UCP2: variants seen among roughly 807,000 people sequenced by gnomAD.
UCP2 encodes dicarboxylate carrier SLC25A8.
In UCP2, 27 loss-of-function variants were observed where a neutral mutation model predicts 31.3. The observed-to-expected ratio is 0.86, with a 90% CI of 0.64 to 1.19. The LOEUF (loss-of-function observed/expected upper bound fraction) is 1.19, where lower values mean the gene tolerates loss of function less well. Ranked by LOEUF, UCP2 falls within the 50% of genes most tolerant of loss-of-function variation. The pLI, the probability that UCP2 is intolerant of heterozygous loss-of-function variation, is 0.00. For synonymous variants in UCP2, 142 were observed against 157.4 expected (o/e 0.90, Z 0.73); for missense variants, 377 against 413.5 (o/e 0.91, Z 0.76).
chr11:73,980,297 G>A (rs1039316247), intron 2 of UCP2, among the ~76,000 whole-genome samples: 4 of 152,194 alleles, frequency 2.6e-5, no homozygotes, highest in Admixed American at 2.6e-4. Context: ...TGAACACAGA[G>A]ACCCATGGAA....
chr11:73,975,520 C>T lies in UCP2; in HGVS notation c.786G>A (p.Gln262=). 6.2e-7 allele frequency: 1 copy of T among 1,612,176 alleles called. No individual in the cohort carries two copies. Among genetic ancestry groups the T allele is most frequent in the South Asian group, 1.1e-5 (1 of 91,010 alleles). The change falls in exon 7 of 8, where the codon CAG becomes CAA. Residue 262 remains glutamine, a synonymous_variant. Transcript: ENST00000663595. ...SAGHCALTML[Q]KEGPRAFYKG... is the part of the protein sequence containing the mutation. ...TGTAGAAGGCTCGGGGCCCCTCCTT[C>T]TGGAGCATGGTAAGGGCACAGTGGC...
chr11:73,978,262 G>T lies in UCP2; in HGVS notation c.117C>A (p.Val39=). The T allele has an allele frequency of 6.2e-7, 1 of 1,614,142 alleles. No individual in the cohort carries two copies. The highest frequency in any genetic ancestry group is 8.5e-7 in the Non-Finnish European group (1 of 1,180,020). Residue 39 remains valine (V), a synonymous_variant, in exon 3 of 8, where the codon GTC becomes GTA. Transcript: ENST00000663595. ...GGCTTCATCCCCTCACCTGTAACCG[G>T]ACTTTAGCAGTATCCAGAGGAAAGG... is the stretch of plus-strand genomic sequence containing the variant. ...LITFPLDTAK[V]RLQIQGESQG... is the part of the protein sequence containing the mutation.
At chr11:73,977,841 T>G in intron 4 of UCP2, 45 bp downstream of exon 4, 2 of 1,612,178 alleles carry the variant, frequency 1.2e-6, no homozygotes, top group Admixed American at 1.7e-5. Context: ...CAATCATCAC[T>G]GAGAAAAAAG....
chr11:73,982,847 G>C (rs1951485173), upstream of UCP2: 1 of 152,392 alleles, frequency 6.6e-6, no homozygotes, highest in South Asian at 2.0e-4. Context: ...TCGCAGTGGG[G>C]CTCCGCGCAG....
In UCP2 at chr11:73,978,065, G is replaced by A; in HGVS notation, c.158C>T (p.Ala53Val). The A allele has an allele frequency of 1.2e-6, 2 of 1,614,154 alleles. No homozygotes were observed. The highest frequency in any genetic ancestry group is 1.3e-5 in the African/African-American group (1 of 75,048). Reference sequence around the variant, plus strand: ...ACCGCGGTACTGGGCGCTGGCTGTAGCGCGCACTGGCCCCTGACTTTCTCC... The same window carrying A: ...ACCGCGGTACTGGGCGCTGGCTGTAACGCGCACTGGCCCCTGACTTTCTCC... ...IQGESQGPVR[A>V]TASAQYRGVM... The change falls in exon 4 of 8, where the codon GCT (alanine) becomes GTT (valine). Residue 53 changes from alanine (A) to valine (V), a missense_variant. Coordinates refer to ENST00000663595, the MANE Select transcript of UCP2 (RefSeq NM_003355.3).
intron 1 of UCP2, 49 bp downstream of exon 1, chr11:73,982,672 A>T (rs928938634): frequency 6.6e-6 from 1 of 152,498 alleles, no homozygotes; most frequent in African/African-American, 2.4e-5. Flanking sequence ...CAGCGCACGC[A>T]GAACAAGCGT....
chr11:73,975,121 C>T lies in UCP2; in HGVS notation c.816G>A (p.Gly272=). 2 of 1,610,534 alleles carry T rather than the reference C, an allele frequency of 1.2e-6. No homozygotes were observed. Among genetic ancestry groups the T allele is most frequent in the Non-Finnish European group, 1.7e-6 (2 of 1,178,246 alleles). ...CCAAGCGGAGAAAGGAGGGCATGAA[C>T]CTAGAGGAGAAAAATCACAGGTCAT... ...QKEGPRAFYK[G]FMPSFLRLGS... The change falls in exon 8 of 8, where the codon GGG becomes GGA. Residue 272 remains glycine (G), a splice_region_variant and synonymous_variant. Coordinates refer to ENST00000663595, the MANE Select transcript of UCP2 (RefSeq NM_003355.3).
chr11:73,975,770 G>A (rs1385924941), intron 6 of UCP2, 99 bp from the exon 7 acceptor site: 2 of 1,441,974 alleles, frequency 1.4e-6, no homozygotes, highest in Non-Finnish European at 1.9e-6. Context: ...TGATTTTAAA[G>A]AGACAGAGAG....
rs751673239 is a variant in UCP2 at position 73,976,910 on chromosome 11, G to A, written c.445C>T (p.Arg149Trp). 39 of 1,613,878 alleles carry A rather than the reference G, an allele frequency of 2.4e-5. No individual in the cohort carries two copies. The highest frequency in any genetic ancestry group is 2.7e-5 in the African/African-American group (2 of 74,926). ...VVKVRFQAQA[R>W]AGGGRRYQST... ...TGGTATCTCCGACCACCTCCAGCCC[G>A]GGCCTGAGCTTGGAATCGGACCTTT... is the stretch of plus-strand genomic sequence containing the variant. Residue 149 changes from arginine to tryptophan, a missense_variant, in exon 5 of 8, where the codon CGG becomes TGG. Coordinates refer to ENST00000663595, the MANE Select transcript of UCP2 (RefSeq NM_003355.3).
Position 73,982,796 on chromosome 11 carries a change from C to A in UCP2, c.-332G>T, listed in dbSNP as rs1325258410. The A allele has an allele frequency of 6.6e-6, 1 of 152,292 alleles. No individual in the cohort carries two copies. The highest frequency in any genetic ancestry group is 1.5e-5 in the Non-Finnish European group (1 of 68,284). The allele number at this position is 152,292 out of a possible 1,614,324, so 9.4% of individuals were successfully genotyped here. On this transcript the variant is annotated 5_prime_UTR_variant, in exon 1 of 8. Transcript: ENST00000663595. Reference sequence around the variant, plus strand: ...CGGAGGGCGCGTCGGACGAGCCGGGCGAGCGTGGACAGTCAATCCCAAGGC... The same window carrying A: ...CGGAGGGCGCGTCGGACGAGCCGGGAGAGCGTGGACAGTCAATCCCAAGGC...
intron 1 of UCP2, among the ~76,000 whole-genome samples, chr11:73,982,439 G>C: frequency 6.6e-6 from 1 of 152,122 alleles, no homozygotes; most frequent in East Asian, 1.9e-4. Context: ...ACAAAAATTA[G>C]CCAGGCGTGG....
chr11:73,980,264 T>C (rs1376392278), intron 2 of UCP2, among the ~76,000 whole-genome samples: 1 of 152,170 alleles, frequency 6.6e-6, no homozygotes, highest in Admixed American at 6.5e-5. Context: ...GTGAAAGGGC[T>C]GGCTGGTGAA....
At chr11:73,976,418 G>A (rs1284334422) in intron 6 of UCP2, among the ~76,000 whole-genome samples, 1 of 152,158 alleles carries the variant, frequency 6.6e-6, no homozygotes. Flanking sequence ...ATCTTCTGAG[G>A]ACCTGAAAGA....
chr11:73,976,833 G>A lies in UCP2; in HGVS notation c.522C>T (p.Gly174=), dbSNP rs764307307. 6.2e-7 allele frequency: 1 copy of A among 1,614,218 alleles called. No individual in the cohort carries two copies. The highest frequency in any genetic ancestry group is 8.5e-7 in the Non-Finnish European group (1 of 1,180,030). ...ACAACTGGTACACACCTTTCCAGAG[G>A]CCCCGGAACCCTTCCTCTCGGGCAA... The part of the protein sequence containing the change: ...KTIAREEGFR[G]LWKGTSPNVA... Residue 174 remains glycine (G), a synonymous_variant, in exon 5 of 8, where the codon GGC becomes GGT. Transcript: ENST00000663595.
intron 5 of UCP2, 27 bp from the exon 6 acceptor site, chr11:73,976,769 A>G (rs1951353115): frequency 6.2e-7 from 1 of 1,614,100 alleles, no homozygotes; most frequent in African/African-American, 1.3e-5. Context: ...ATCCTGGGTG[A>G]GACCAGAGTA....
chr11:73,982,896 G>A (rs1488191003), upstream of UCP2: 1 of 152,464 alleles, frequency 6.6e-6, no homozygotes, highest in African/African-American at 2.4e-5. Context: ...GGGGCCCGGG[G>A]TGGGGCCTGC....
At chr11:73,977,098 T>A in intron 4 of UCP2, 81 bp from the exon 5 acceptor site, 1 of 1,419,356 alleles carries the variant, frequency 7.0e-7, no homozygotes, top group Non-Finnish European at 9.5e-7. Flanking sequence ...AACCACCCTG[T>A]CACTGTCATC....
At chr11:73,975,159 A>T in intron 7 of UCP2, 38 bp from the exon 8 acceptor site, 1 of 1,546,370 alleles carries the variant, frequency 6.5e-7, no homozygotes, top group Non-Finnish European at 8.8e-7. Flanking sequence ...GGGCACCTCC[A>T]CCTCCCACTT....
At chr11:73,978,550 A>C in intron 2 of UCP2, 73 bp from the exon 3 acceptor site, 1 of 932,636 alleles carries the variant, frequency 1.1e-6, no homozygotes, top group Non-Finnish European at 1.6e-6. Flanking sequence ...CCCCAAACTC[A>C]CCTTCCCTAA....
Sources: allele counts gnomAD v4.1 joint callset (sites outside exome capture counted in the v4.1 genomes callset), GRCh38; gene constraint gnomAD v4.1.1; transcripts MANE v1.5; gene names NCBI Gene and HGNC (gene_info 2026-07-23, HGNC 2026-07-21).